Variants in IGFL2 observed in about 807,000 individuals in gnomAD.
IGFL2 encodes insulin growth factor-like family member 2.
IGFL2 carries 7 observed loss-of-function variants against 13.9 expected under a neutral mutation model. The observed-to-expected ratio is 0.51, with a 90% CI of 0.29 to 0.95. IGFL2 has a LOEUF of 0.95. Ranked by LOEUF, IGFL2 falls within the 40% of genes least tolerant of loss-of-function variation. IGFL2 has a pLI of 0.08. For missense variants in IGFL2, 138 were observed against 147.8 expected (o/e 0.93, Z 0.34); for synonymous variants, 55 against 55.8 (o/e 0.99, Z 0.07).
At chr19:46,212,612 A>C in the IGFL2 span, 1 of 119,992 alleles carries the variant, frequency 8.3e-6, no homozygotes, top group African/African-American at 3.2e-5. Context: ...TGAAAATCTC[A>C]GGAGGGCTGT....
the IGFL2 span, chr19:46,206,941 C>T: frequency 6.6e-6 from 1 of 152,210 alleles, no homozygotes; most frequent in Non-Finnish European, 1.5e-5. Context: ...CCATCAGCTT[C>T]CTGCCTGGTC....
chr19:46,110,477 C>T, the IGFL2 span, among the ~76,000 whole-genome samples: 2 of 152,128 alleles, frequency 1.3e-5, no homozygotes, highest in African/African-American at 4.8e-5. Context: ...TAATATTATA[C>T]TTTCATATTC....
chr19:46,106,845 G>A, the IGFL2 span, among the ~76,000 whole-genome samples: 6 of 152,206 alleles, frequency 3.9e-5, no homozygotes, highest in East Asian at 1.2e-3. Context: ...GGGATGATAA[G>A]GGGTGCATGA....
At chr19:46,099,968 C>G in the IGFL2 span, among the ~76,000 whole-genome samples, 620 of 152,252 alleles carry the variant, frequency 4.1e-3, 1 homozygote, top group African/African-American at 0.013. Flanking sequence ...TTCTTCAGCT[C>G]CATCGGGTCA....
the IGFL2 span, among the ~76,000 whole-genome samples, chr19:46,134,982 T>C: frequency 6.6e-6 from 1 of 152,148 alleles, no homozygotes; most frequent in Non-Finnish European, 1.5e-5. Context: ...CAAGGAAGCA[T>C]CATTGGGCAT....
the IGFL2 span, among the ~76,000 whole-genome samples, chr19:46,193,811 C>CCGCTCT: frequency 5.3e-4 from 80 of 152,290 alleles, no homozygotes; most frequent in Middle Eastern, 3.4e-3. Context: ...CCAGCAGACA[C>CCGCTCT]CGCTCTCGGG....
chr19:46,148,032 A>T (rs963857190), upstream of IGFL2: 1 of 474,974 alleles, frequency 2.1e-6, no homozygotes, highest in East Asian at 3.4e-5. Context: ...GGAAGCCTTT[A>T]CTCTGAGATT....
upstream of IGFL2, among the ~76,000 whole-genome samples, chr19:46,145,127 G>A (rs1330472510): frequency 1.3e-5 from 2 of 152,004 alleles, no homozygotes; most frequent in African/African-American, 4.8e-5. Context: ...TCATTTCTCT[G>A]GGATAAATAC....
the IGFL2 span, among the ~76,000 whole-genome samples, chr19:46,176,837 G>C: frequency 3.3e-5 from 5 of 152,256 alleles, no homozygotes; most frequent in East Asian, 5.8e-4. Flanking sequence ...ATCCTCTCTG[G>C]TCCAAGGCTG....
At chr19:46,127,414 T>A in the IGFL2 span, among the ~76,000 whole-genome samples, 2 of 152,090 alleles carry the variant, frequency 1.3e-5, no homozygotes, top group African/African-American at 4.8e-5. Flanking sequence ...AATATACACA[T>A]CTTGTTCCAT....
In IGFL2 at chr19:46,161,286, T is replaced by A; in HGVS notation, c.*198T>A. 1 of 502,110 alleles carries A rather than the reference T, an allele frequency of 2.0e-6. No individual in the cohort carries two copies. The highest frequency in any genetic ancestry group is 3.5e-6 in the Non-Finnish European group (1 of 284,412). The allele number at this position is 502,110 out of a possible 1,614,324, so 31.1% of individuals were successfully genotyped here. ...GAAATAAATAAAGTGGTTTTTCCAATGTACACACCTGTACCCAATGTCGTC... is the reference window on the plus strand; with the variant it reads ...GAAATAAATAAAGTGGTTTTTCCAAAGTACACACCTGTACCCAATGTCGTC... On this transcript the variant is annotated 3_prime_UTR_variant, in exon 4 of 4. Coordinates refer to ENST00000377693, the MANE Select transcript of IGFL2 (RefSeq NM_001135113.2).
chr19:46,126,786 A>T, the IGFL2 span, among the ~76,000 whole-genome samples: 1 of 152,198 alleles, frequency 6.6e-6, no homozygotes, highest in African/African-American at 2.4e-5. Flanking sequence ...ACACAACTTA[A>T]TTGAAGTGTC....
chr19:46,107,610 C>A, the IGFL2 span, among the ~76,000 whole-genome samples: 3 of 152,210 alleles, frequency 2.0e-5, no homozygotes, highest in Non-Finnish European at 4.4e-5. Flanking sequence ...GGGTTTCTCT[C>A]ACAGTGGAGG....
the IGFL2 span, chr19:46,204,943 A>ATT: frequency 0.015 from 2,177 of 141,338 alleles, 37 homozygotes; most frequent in South Asian, 0.035. Context: ...ACACTCAGGT[A>ATT]TTTTTTTTTT....
At chr19:46,131,995 C>G in the IGFL2 span, among the ~76,000 whole-genome samples, 1 of 152,144 alleles carries the variant, frequency 6.6e-6, no homozygotes, top group South Asian at 2.1e-4. Flanking sequence ...CAGAACTTGT[C>G]TCTAGTATTA....
the IGFL2 span, among the ~76,000 whole-genome samples, chr19:46,132,278 T>TA: frequency 1.3e-5 from 2 of 152,194 alleles, no homozygotes; most frequent in African/African-American, 4.8e-5. Context: ...CAAGCCACGT[T>TA]ACAAAAGAAA....
At chr19:46,087,406 G>A in the IGFL2 span, among the ~76,000 whole-genome samples, 3 of 152,210 alleles carry the variant, frequency 2.0e-5, no homozygotes, top group Non-Finnish European at 4.4e-5. Flanking sequence ...ACCAGGTTGC[G>A]TGATCTGCAG....
the IGFL2 span, among the ~76,000 whole-genome samples, chr19:46,176,653 A>G: frequency 7.3e-6 from 1 of 137,040 alleles, no homozygotes; most frequent in Non-Finnish European, 1.6e-5. Context: ...CCCAGATGCC[A>G]GGGATCTACA....
chr19:46,134,849 T>C, the IGFL2 span, among the ~76,000 whole-genome samples: 3 of 152,090 alleles, frequency 2.0e-5, no homozygotes, highest in African/African-American at 4.8e-5. Flanking sequence ...GGCCTGTGGG[T>C]TGGGGACCCC....
Sources: gnomAD v4.1 joint callset for allele counts (sites outside exome capture counted in the v4.1 genomes callset) on GRCh38, gnomAD v4.1.1 for gene constraint, MANE v1.5 for transcripts, NCBI Gene and HGNC (gene_info 2026-07-23, HGNC 2026-07-21) for gene names.